Variants in BIN3 observed in about 807,000 individuals in gnomAD.
The protein encoded by BIN3 is bridging integrator 3.
Under a neutral mutation model 38.2 loss-of-function variants are expected in BIN3, and 41 were observed. The observed-to-expected ratio is 1.07, with a 90% CI of 0.84 to 1.39. The LOEUF (loss-of-function observed/expected upper bound fraction) is 1.39. Ranked by LOEUF, BIN3 falls within the 40% of genes most tolerant of loss-of-function variation. The pLI, the probability that BIN3 is intolerant of heterozygous loss-of-function variation, is 0.00. For missense variants in BIN3, 361 were observed against 324.3 expected (o/e 1.11, Z -0.87); for synonymous variants, 145 against 122.6 (o/e 1.18, Z -1.21).
intron 4 of BIN3, chr8:22,634,282 T>C (rs1802297076): frequency 6.5e-6 from 2 of 307,090 alleles, no homozygotes; most frequent in South Asian, 5.2e-5. Context: ...CACACATAGT[T>C]TGGCAACGCT....
intron 1 of BIN3, among the ~76,000 whole-genome samples, chr8:22,648,118 G>C (rs1207798266): frequency 7.2e-6 from 1 of 139,068 alleles, no homozygotes; most frequent in African/African-American, 2.7e-5. Flanking sequence ...CTGCGCGACA[G>C]AGTGAGACTC....
Position 22,621,327 on chromosome 8 carries a change from T to C in BIN3, c.*95A>G. 1 of 1,467,884 alleles carries C rather than the reference T, an allele frequency of 6.8e-7. No homozygotes were observed. The highest frequency in any genetic ancestry group is 1.3e-5 in the South Asian group (1 of 74,782). The allele number at this position is 1,467,884 out of a possible 1,614,324, so 90.9% of individuals were successfully genotyped here. A position where few individuals can be genotyped will look rare whatever the true frequency, so the allele number is the denominator to read the frequency against. ...CCGGCAAGTGAACCAGGGCCACCTC[T>C]GTCCCCAGCCTGTGAGAGGAGCAGC... On this transcript the variant is annotated 3_prime_UTR_variant, in exon 9 of 9. Transcript: ENST00000276416.
chr8:22,647,908 C>T (rs1277941944), intron 1 of BIN3, among the ~76,000 whole-genome samples: 4 of 151,860 alleles, frequency 2.6e-5, no homozygotes, highest in African/African-American at 9.7e-5. Flanking sequence ...GGGTGAATCA[C>T]GAGGTCGGGA....
intron 1 of BIN3, among the ~76,000 whole-genome samples, chr8:22,659,078 C>T (rs932778967): frequency 2.0e-5 from 3 of 152,220 alleles, no homozygotes; most frequent in Non-Finnish European, 2.9e-5. Context: ...GAGCCAGAGC[C>T]GGGGCAGGGC....
intron 1 of BIN3, among the ~76,000 whole-genome samples, chr8:22,648,314 C>T (rs1272135506): frequency 3.3e-5 from 5 of 152,038 alleles, no homozygotes; most frequent in Non-Finnish European, 7.4e-5. Context: ...TCAGTTTTCC[C>T]CATGTCCTTT....
chr8:22,627,276 G>A (rs1802032597), intron 6 of BIN3, among the ~76,000 whole-genome samples: 1 of 152,216 alleles, frequency 6.6e-6, no homozygotes, highest in African/African-American at 2.4e-5. Flanking sequence ...ACATCAGTCA[G>A]GGCAGGGCGC....
At position 22,630,533 on chromosome 8, in the gene BIN3, T is replaced by A. The variant is rs368195300; in HGVS notation, c.206A>T (p.Asn69Ile). 2 of 1,613,858 alleles carry A rather than the reference T, an allele frequency of 1.2e-6. No homozygotes were observed. Among genetic ancestry groups the A allele is most frequent in the East Asian group, 2.2e-5 (1 of 44,890 alleles). ...GTCCTGGTCTTGCTCACAGAGGGGA[T>A]TGGAGAGTAAGTCCAAGGATATCTT... ...AVKISLDLLSNPLCEQDQDLL... is the reference protein window; with the variant it reads ...AVKISLDLLSIPLCEQDQDLL... The change falls in exon 5 of 9, where the codon AAT (asparagine) becomes ATT (isoleucine). Residue 69 changes from asparagine to isoleucine, a missense_variant. Coordinates refer to ENST00000276416, the MANE Select transcript of BIN3 (RefSeq NM_018688.6).
At chr8:22,666,288 G>C (rs971900494) in intron 1 of BIN3, among the ~76,000 whole-genome samples, 26 of 151,270 alleles carry the variant, frequency 1.7e-4, no homozygotes, top group African/African-American at 5.4e-4. Flanking sequence ...CTGGAAGATG[G>C]GGAAGAGAGA....
chr8:22,659,287 G>C (rs1331145855), intron 1 of BIN3, among the ~76,000 whole-genome samples: 1 of 152,204 alleles, frequency 6.6e-6, no homozygotes. Flanking sequence ...CCCCACCTCA[G>C]TCCTTTCTCT....
intron 2 of BIN3, among the ~76,000 whole-genome samples, chr8:22,643,297 C>T (rs1373990978): frequency 6.6e-6 from 1 of 152,112 alleles, no homozygotes; most frequent in South Asian, 2.1e-4. Context: ...TTGGTCAGCA[C>T]CCTGCCTCTG....
At position 22,630,558 on chromosome 8, in the gene BIN3, T is replaced by C; in HGVS notation, c.181A>G (p.Lys61Glu). 1 of 1,613,986 alleles carries C rather than the reference T, an allele frequency of 6.2e-7. No homozygotes were observed. Among genetic ancestry groups the C allele is most frequent in the Non-Finnish European group, 8.5e-7 (1 of 1,179,850 alleles). Residue 61 changes from lysine (K) to glutamate (E), a missense_variant, in exon 5 of 9, where the codon AAG (lysine) becomes GAG (glutamate). Coordinates refer to ENST00000276416, the MANE Select transcript of BIN3 (RefSeq NM_018688.6). ...ADLAMSKSAV[K>E]ISLDLLSNPL... is the part of the protein sequence containing the mutation. ...TTGGAGAGTAAGTCCAAGGATATCT[T>C]CACGGCAGATTTTGACATGGCTGTG...
At chr8:22,655,688 G>C (rs1803034171) in intron 1 of BIN3, among the ~76,000 whole-genome samples, 3 of 152,130 alleles carry the variant, frequency 2.0e-5, no homozygotes, top group African/African-American at 7.2e-5. Context: ...ATTAAGACTG[G>C]GGAGTGTGAG....
rs565410820 is a variant in BIN3 at position 22,629,657 on chromosome 8, C to A, written c.338+307G>T. 2.5e-4 allele frequency: 122 copies of A among 494,256 alleles called. No homozygotes were observed. In the East Asian group the frequency reaches 4.1e-3, roughly 16 times the overall value. The allele number at this position is 494,256 out of a possible 1,614,324, so 30.6% of individuals were successfully genotyped here. On this transcript the variant is annotated intron_variant, in intron 6 of 8. Coordinates refer to ENST00000276416, the MANE Select transcript of BIN3 (RefSeq NM_018688.6). ...CTAGCTCCATTCAGCAAGCCCTGGC[C>A]CCAGTGGCTCTCAATCAGGAGGAAG...
At chr8:22,628,209 G>A (rs1382493883) in intron 6 of BIN3, among the ~76,000 whole-genome samples, 2 of 152,214 alleles carry the variant, frequency 1.3e-5, no homozygotes, top group Non-Finnish European at 2.9e-5. Flanking sequence ...ATCCCCATCC[G>A]ACATGTGAAT....
At chr8:22,635,199 G>C (rs954066290) in intron 4 of BIN3, among the ~76,000 whole-genome samples, 2 of 152,074 alleles carry the variant, frequency 1.3e-5, no homozygotes, top group African/African-American at 2.4e-5. Context: ...TCCCCACGAA[G>C]GCCTCCCTTG....
At position 22,643,919 on chromosome 8, in the gene BIN3, G is replaced by C. The variant is rs1275660515; in HGVS notation, c.57+836C>G. ...GAGACCCACTCAGATTTGTGGGTCA[G>C]GAGGTTGAAAAGGCTATTTTGCACC... On this transcript the variant is annotated intron_variant, in intron 2 of 8. Transcript: ENST00000276416. 2.0e-5 allele frequency among the ~76,000 whole-genome samples: 3 copies of C among 152,218 alleles called. No homozygotes were observed. In the East Asian group the frequency reaches 5.8e-4, roughly 29 times the overall value.
chr8:22,636,684 G>C lies in BIN3; in HGVS notation c.99-98C>G, dbSNP rs1032187942. 15 of 1,301,816 alleles carry C rather than the reference G, an allele frequency of 1.2e-5. No homozygotes were observed. In the African/African-American group the frequency reaches 1.5e-4, roughly 13 times the overall value. 80.6% of individuals were successfully genotyped at this position (1,301,816 alleles called of 1,614,324 possible). On this transcript the variant is annotated intron_variant, in intron 3 of 8. Coordinates refer to ENST00000276416, the MANE Select transcript of BIN3 (RefSeq NM_018688.6). ...AGGGCCTGCCAAGGAGGAGGAGAAAGGGATCTTCTCCACGGGGACTTTTCC... is the reference window on the plus strand; with the variant it reads ...AGGGCCTGCCAAGGAGGAGGAGAAACGGATCTTCTCCACGGGGACTTTTCC...
intron 8 of BIN3, 69 bp downstream of exon 8, chr8:22,623,846 G>A: frequency 6.5e-7 from 1 of 1,545,884 alleles, no homozygotes; most frequent in Non-Finnish European, 8.8e-7. Flanking sequence ...CACCCTTCCA[G>A]TGTGGGTGAC....
intron 1 of BIN3, among the ~76,000 whole-genome samples, chr8:22,666,448 A>G (rs1244964114): frequency 6.6e-6 from 1 of 151,868 alleles, no homozygotes; most frequent in Non-Finnish European, 1.5e-5. Context: ...GAGAGAGAGA[A>G]GCATTTGGCT....
Sources: allele counts gnomAD v4.1 joint callset (sites outside exome capture counted in the v4.1 genomes callset), GRCh38; gene constraint gnomAD v4.1.1; transcripts MANE v1.5; gene names NCBI Gene and HGNC (gene_info 2026-07-23, HGNC 2026-07-21).